MRPL48: variants seen among roughly 807,000 people sequenced by gnomAD.
The protein encoded by MRPL48 is large ribosomal subunit protein mL48.
A neutral mutation model predicts 32.9 loss-of-function variants in MRPL48; 16 were observed. The observed-to-expected ratio is 0.49, with a 90% CI of 0.33 to 0.74. The LOEUF is 0.74. Among genes scored for constraint, MRPL48 ranks in the 30% least tolerant of loss-of-function variants. MRPL48 has a pLI of 0.02. For synonymous variants in MRPL48, 94 were observed against 89.2 expected, an observed-to-expected ratio of 1.05 and a Z score of -0.31; for missense variants, 206 against 245.3, an observed-to-expected ratio of 0.84 and a Z score of 1.07.
At position 73,863,210 on chromosome 11, in the gene MRPL48, G is replaced by C; in HGVS notation, c.513G>C (p.Leu171Phe). Residue 171 changes from leucine (L) to phenylalanine (F), a missense_variant, in exon 7 of 8, where the codon TTG becomes TTC. Physicochemically the swap from Leu to Phe is conservative, Grantham distance 22. Coordinates refer to ENST00000310614, the MANE Select transcript of MRPL48 (RefSeq NM_016055.6). ...GLSATFAEIF[L>F]EIIQSSLPEG... ...GTGCTACGTTTGCAGAAATTTTCTT[G>C]GAAATAATCCAAAGCAGTCTTCCTG... 1 of 1,582,596 alleles carries C rather than the reference G, an allele frequency of 6.3e-7. No individual in the cohort carries two copies. Among genetic ancestry groups the C allele is most frequent in the Middle Eastern group, 1.7e-4 (1 of 5,722 alleles).
chr11:73,807,607 C>G (rs17132368), intron 2 of MRPL48, among the ~76,000 whole-genome samples: 1 of 150,232 alleles, frequency 6.7e-6, no homozygotes, highest in African/African-American at 2.5e-5. Flanking sequence ...CATTTTCAGT[C>G]CCATTAGATT....
In MRPL48 at chr11:73,824,276, T is replaced by A. The variant is rs114151775; in HGVS notation, c.113-1432T>A. Among the ~76,000 whole-genome samples, 953 of 152,212 alleles carry A rather than the reference T, an allele frequency of 6.3e-3. 11 individuals are homozygous for A. Among genetic ancestry groups the A allele is most frequent in the African/African-American group, 0.022 (910 of 41,544 alleles). On this transcript the variant is annotated intron_variant, in intron 3 of 7. Coordinates refer to ENST00000310614, the MANE Select transcript of MRPL48 (RefSeq NM_016055.6). Reference sequence around the variant, plus strand: ...GAGGCTGTTTTCAGATCAGCACAAATAAATCAAGTTAGATGTTTTGTAAAA... The same window carrying A: ...GAGGCTGTTTTCAGATCAGCACAAAAAAATCAAGTTAGATGTTTTGTAAAA...
intron 3 of MRPL48, among the ~76,000 whole-genome samples, chr11:73,816,829 TA>T (rs1446091229): frequency 1.5e-3 from 225 of 149,486 alleles, no homozygotes; most frequent in African/African-American, 5.3e-3. Flanking sequence ...TTTTGTTTAT[TA>T]TTTTTTTTTT....
chr11:73,793,858 G>GTTT (rs1293232778), intron 1 of MRPL48, among the ~76,000 whole-genome samples: 5 of 113,882 alleles, frequency 4.4e-5, no homozygotes, highest in South Asian at 3.1e-4. Context: ...CTTGTTTCGT[G>GTTT]TTTTTTTTTT....
At chr11:73,809,556 A>T (rs1429969946) in intron 3 of MRPL48, among the ~76,000 whole-genome samples, 1 of 151,978 alleles carries the variant, frequency 6.6e-6, no homozygotes, top group African/African-American at 2.4e-5. Flanking sequence ...TGTAATTATT[A>T]TTATTATTAA....
Position 73,851,918 on chromosome 11 carries a change from T to TACACACACAC in MRPL48, c.371+6958_371+6967dup, listed in dbSNP as rs35410725. 5.0e-3 allele frequency among the ~76,000 whole-genome samples: 743 copies of TACACACACAC among 149,374 alleles called. 5 individuals are homozygous for TACACACACAC. The highest frequency in any genetic ancestry group is 0.017 in the African/African-American group (673 of 40,750). ...GGGAACCTCCTAGTTTCAGGGAACG[T>TACACACACAC]ACACACACACACACACACACACACA... is the stretch of plus-strand genomic sequence containing the variant. On this transcript the variant is annotated intron_variant, in intron 5 of 7. Transcript: ENST00000310614.
At chr11:73,803,411 G>A (rs569337331) in intron 1 of MRPL48, among the ~76,000 whole-genome samples, 85 of 151,804 alleles carry the variant, frequency 5.6e-4, no homozygotes, top group African/African-American at 2.0e-3. Flanking sequence ...GATTACAGGC[G>A]TGAGCCCCCA....
chr11:73,864,445 T>G lies in MRPL48; in HGVS notation c.*75T>G, dbSNP rs1359118672. On this transcript the variant is annotated 3_prime_UTR_variant, in exon 8 of 8. Transcript: ENST00000310614. The stretch of plus-strand genomic sequence containing the variant: ...GAAGAGCTTACTGGGTAGTTAGAGT[T>G]CATCAGGAGACCCAACCCTTAGATT... 2 of 1,439,014 alleles carry G rather than the reference T, an allele frequency of 1.4e-6. No individual in the cohort carries two copies. Among genetic ancestry groups the G allele is most frequent in the Non-Finnish European group, 1.9e-6 (2 of 1,033,446 alleles). 89.1% of individuals were successfully genotyped at this position (1,439,014 alleles called of 1,614,324 possible).
chr11:73,824,931 A>G (rs1309253095), intron 3 of MRPL48, among the ~76,000 whole-genome samples: 1 of 152,148 alleles, frequency 6.6e-6, no homozygotes, highest in African/African-American at 2.4e-5. Context: ...GGATCAAGAA[A>G]TATCTATGGC....
intron 3 of MRPL48, among the ~76,000 whole-genome samples, chr11:73,814,806 C>T (rs1310892966): frequency 6.6e-6 from 1 of 151,850 alleles, no homozygotes; most frequent in Non-Finnish European, 1.5e-5. Context: ...CCAGCCTGGT[C>T]AACATGGTGA....
chr11:73,815,750 C>T (rs1332563533), intron 3 of MRPL48, among the ~76,000 whole-genome samples: 3 of 150,334 alleles, frequency 2.0e-5, no homozygotes, highest in Admixed American at 1.3e-4. Flanking sequence ...GTGCTGGGAC[C>T]GCTCGCTCTG....
intron 5 of MRPL48, among the ~76,000 whole-genome samples, chr11:73,849,414 G>A (rs1948351301): frequency 6.6e-6 from 1 of 152,180 alleles, no homozygotes; most frequent in Non-Finnish European, 1.5e-5. Flanking sequence ...TGGGATTACG[G>A]GTGTGAGCCA....
chr11:73,801,554 C>T (rs144415407), intron 1 of MRPL48, among the ~76,000 whole-genome samples: 3 of 152,204 alleles, frequency 2.0e-5, no homozygotes, highest in Non-Finnish European at 2.9e-5. Context: ...CCTTCCCAAT[C>T]TTCATGGTTT....
chr11:73,825,722 A>C lies in MRPL48; in HGVS notation c.127A>C (p.Ser43Arg). 6.4e-7 allele frequency: 1 copy of C among 1,563,274 alleles called. No individual in the cohort carries two copies. Among genetic ancestry groups the C allele is most frequent in the South Asian group, 1.2e-5 (1 of 84,638 alleles). ...PIYSVGGILL[S>R]ISRPYKTKPT... ...CTCTCTTTTAGGTGGAATTCTACTA[A>C]GTATCAGTCGGCCCTACAAGACAAA... The change falls in exon 4 of 8, where the codon AGT becomes CGT. Residue 43 changes from serine to arginine, a missense_variant. Coordinates refer to ENST00000310614, the MANE Select transcript of MRPL48 (RefSeq NM_016055.6).
chr11:73,803,220 C>A (rs1269671355), intron 1 of MRPL48, among the ~76,000 whole-genome samples: 2 of 151,934 alleles, frequency 1.3e-5, no homozygotes, highest in Admixed American at 1.3e-4. Context: ...CCCTGCCTCC[C>A]AGGTTCAAGC....
chr11:73,788,299 C>T (rs994810010), intron 1 of MRPL48, among the ~76,000 whole-genome samples: 1 of 152,084 alleles, frequency 6.6e-6, no homozygotes, highest in Non-Finnish European at 1.5e-5. Flanking sequence ...CACCAGGATA[C>T]GGTCCCGATT....
intron 4 of MRPL48, among the ~76,000 whole-genome samples, chr11:73,832,200 T>G (rs765040649): frequency 6.6e-6 from 1 of 152,178 alleles, no homozygotes; most frequent in Non-Finnish European, 1.5e-5. Flanking sequence ...AGGTATATCT[T>G]CTGTAACTCA....
intron 5 of MRPL48, among the ~76,000 whole-genome samples, chr11:73,845,391 A>G (rs1948270370): frequency 6.6e-6 from 1 of 152,174 alleles, no homozygotes; most frequent in Non-Finnish European, 1.5e-5. Flanking sequence ...AACTATTTTT[A>G]ACTGTACAGT....
At chr11:73,823,092 T>A (rs1947811369) in intron 3 of MRPL48, 1 of 414,350 alleles carries the variant, frequency 2.4e-6, no homozygotes, top group Non-Finnish European at 4.8e-6. Context: ...AATTATTTCA[T>A]TATATATTAC....
Sources: gnomAD v4.1 joint callset for allele counts (sites outside exome capture counted in the v4.1 genomes callset) on GRCh38, gnomAD v4.1.1 for gene constraint, MANE v1.5 for transcripts, NCBI Gene and HGNC (gene_info 2026-07-23, HGNC 2026-07-21) for gene names.